The following CALN1 variants were observed in gnomAD, a reference collection of about 807,000 sequenced individuals.
The protein encoded by CALN1 is calcium-binding protein 8.
In CALN1, 17 loss-of-function variants were observed where a neutral mutation model predicts 30.6. The ratio of observed to expected loss-of-function variants is 0.56; its 90% CI spans 0.38 to 0.83. The LOEUF is 0.83. CALN1 is among the 40% of genes least tolerant of loss of function. The pLI, the probability that CALN1 is intolerant of heterozygous loss-of-function variation, is 0.00. For missense variants in CALN1, 291 were observed against 354.9 expected (o/e 0.82, Z 1.45); for synonymous variants, 156 against 131.4 (o/e 1.19, Z -1.28).
chr7:72,387,078 G>T (rs1352220017), intron 2 of CALN1, among the ~76,000 whole-genome samples: 1 of 151,172 alleles, frequency 6.6e-6, no homozygotes, highest in Non-Finnish European at 1.5e-5. Flanking sequence ...CAATGGCCAA[G>T]GGTGCAACAC....
chr7:71,945,924 A>T (rs1486197374), intron 5 of CALN1, among the ~76,000 whole-genome samples: 1 of 152,210 alleles, frequency 6.6e-6, no homozygotes, highest in African/African-American at 2.4e-5. Context: ...GGTGCCAAAA[A>T]GGTTGGGGAC....
intron 2 of CALN1, among the ~76,000 whole-genome samples, chr7:72,376,383 T>G (rs1358270995): frequency 6.6e-6 from 1 of 152,234 alleles, no homozygotes; most frequent in Non-Finnish European, 1.5e-5. Flanking sequence ...CCGCATCCTT[T>G]CTGAAACTTG....
At chr7:72,419,128 T>C (rs767787196) in intron 1 of CALN1, among the ~76,000 whole-genome samples, 3 of 152,108 alleles carry the variant, frequency 2.0e-5, no homozygotes, top group Non-Finnish European at 4.4e-5. Context: ...GGGTGCAAAG[T>C]TGAGCTGGAC....
chr7:71,927,254 G>A (rs1795317294), intron 5 of CALN1, among the ~76,000 whole-genome samples: 1 of 152,140 alleles, frequency 6.6e-6, no homozygotes, highest in Admixed American at 6.5e-5. Flanking sequence ...CTGTTGCCCA[G>A]GCTGGAGTGC....
At chr7:72,407,407 G>C (rs896039382) in intron 1 of CALN1, among the ~76,000 whole-genome samples, 2 of 152,204 alleles carry the variant, frequency 1.3e-5, no homozygotes, top group Admixed American at 1.3e-4. Flanking sequence ...TGGAGGTGGG[G>C]CCTGGTAACA....
the CALN1 span, among the ~76,000 whole-genome samples, chr7:72,475,143 G>A: frequency 2.0e-5 from 3 of 152,134 alleles, no homozygotes; most frequent in Non-Finnish European, 4.4e-5. Context: ...ATTGAACAAA[G>A]ATAACGTTAT....
chr7:72,248,965 A>G (rs1795371108), intron 3 of CALN1, among the ~76,000 whole-genome samples: 1 of 152,252 alleles, frequency 6.6e-6, no homozygotes, highest in South Asian at 2.1e-4. Context: ...AAGGCTTAAA[A>G]GAAGTATTTT....
chr7:72,057,816 C>T (rs1386026204), intron 4 of CALN1, among the ~76,000 whole-genome samples: 9 of 152,012 alleles, frequency 5.9e-5, no homozygotes, highest in Non-Finnish European at 8.8e-5. Flanking sequence ...GTGGTCTTAT[C>T]GTTTCTGTAT....
At chr7:71,954,028 G>T (rs1029391281) in intron 5 of CALN1, among the ~76,000 whole-genome samples, 1 of 152,190 alleles carries the variant, frequency 6.6e-6, no homozygotes, top group South Asian at 2.1e-4. Context: ...TATTGCTAGA[G>T]AATCAGGGGT....
At chr7:71,865,821 T>A (rs892437821) in intron 5 of CALN1, among the ~76,000 whole-genome samples, 11 of 148,618 alleles carry the variant, frequency 7.4e-5, no homozygotes, top group African/African-American at 2.7e-4. Context: ...TTAGAGTCAA[T>A]AAAGAGTTTA....
intron 5 of CALN1, among the ~76,000 whole-genome samples, chr7:71,975,714 G>A (rs1562949765): frequency 6.6e-6 from 1 of 151,836 alleles, no homozygotes; most frequent in Non-Finnish European, 1.5e-5. Flanking sequence ...ATAGGTGTGA[G>A]CCACCACACC....
the CALN1 span, among the ~76,000 whole-genome samples, chr7:72,464,352 A>T: frequency 6.6e-6 from 1 of 152,292 alleles, no homozygotes; most frequent in East Asian, 1.9e-4. Flanking sequence ...GTGGAACTAG[A>T]CCGTGCTATC....
Position 71,783,150 on chromosome 7 carries a change from G to A in CALN1, c.*4625C>T, listed in dbSNP as rs1015948707. 4 of 152,058 alleles carry A rather than the reference G, an allele frequency of 2.6e-5. No homozygotes were observed. The highest frequency in any genetic ancestry group is 3.9e-4 in the East Asian group (2 of 5,184). 9.4% of individuals were successfully genotyped at this position (152,058 alleles called of 1,614,324 possible). On this transcript the variant is annotated 3_prime_UTR_variant, in exon 7 of 7. Coordinates refer to ENST00000395275, the MANE Select transcript of CALN1 (RefSeq NM_031468.4). ...GGCTATGGTAAGGCCTTTAGGTTACGGACTCTTAGCTCCATGGGGATCACT... is the reference window on the plus strand; with the variant it reads ...GGCTATGGTAAGGCCTTTAGGTTACAGACTCTTAGCTCCATGGGGATCACT...
At chr7:71,971,227 T>G (rs1797779047) in intron 5 of CALN1, among the ~76,000 whole-genome samples, 1 of 152,134 alleles carries the variant, frequency 6.6e-6, no homozygotes, top group Non-Finnish European at 1.5e-5. Context: ...GGCGGGCAAA[T>G]CACCTGACGT....
intron 5 of CALN1, among the ~76,000 whole-genome samples, chr7:71,847,455 G>C (rs545528380): frequency 1.3e-5 from 2 of 151,834 alleles, no homozygotes; most frequent in African/African-American, 4.8e-5. Context: ...TTCAAGACCA[G>C]CCTGGCCAAC....
chr7:72,327,494 T>C (rs374307176), intron 2 of CALN1, among the ~76,000 whole-genome samples: 37 of 152,250 alleles, frequency 2.4e-4, no homozygotes, highest in African/African-American at 8.2e-4. Flanking sequence ...GTCTCAAAAA[T>C]AAATAAATAA....
At chr7:72,493,151 G>T in the CALN1 span, among the ~76,000 whole-genome samples, 3 of 151,564 alleles carry the variant, frequency 2.0e-5, no homozygotes, top group Non-Finnish European at 4.4e-5. Context: ...CCATCTCCCC[G>T]GGTCTCCCAC....
intron 2 of CALN1, among the ~76,000 whole-genome samples, chr7:72,370,779 G>C (rs1268928661): frequency 1.3e-5 from 2 of 152,076 alleles, no homozygotes; most frequent in South Asian, 2.1e-4. Context: ...CTGGGCATGG[G>C]CTCATGCCTA....
intron 3 of CALN1, among the ~76,000 whole-genome samples, chr7:72,265,639 G>A (rs1309498751): frequency 6.6e-6 from 1 of 152,026 alleles, no homozygotes; most frequent in Non-Finnish European, 1.5e-5. Flanking sequence ...AGATACAGGT[G>A]ATTTTATGAC....
Sources: allele counts gnomAD v4.1 joint callset (sites outside exome capture counted in the v4.1 genomes callset), GRCh38; gene constraint gnomAD v4.1.1; transcripts MANE v1.5; gene names NCBI Gene and HGNC (gene_info 2026-07-23, HGNC 2026-07-21).